NBAS: variants seen among roughly 807,000 people sequenced by gnomAD.
NBAS encodes the protein NAG/BC035112 fusion.
Under a neutral mutation model 302.5 loss-of-function variants are expected in NBAS, and 219 were observed. That is an observed-to-expected ratio of 0.72 (90% CI 0.65 to 0.81). The LOEUF (loss-of-function observed/expected upper bound fraction) is 0.81, where lower values mean the gene tolerates loss of function less well. NBAS is among the 30% of genes least tolerant of loss of function. NBAS has a pLI of 0.00. For synonymous variants in NBAS, 1,118 were observed against 1,021.6 expected, an observed-to-expected ratio of 1.09 and a Z score of -1.80; for missense variants, 2,932 against 2,841.6, an observed-to-expected ratio of 1.03 and a Z score of -0.72.
chr2:15,128,852 G>A, the NBAS span, among the ~76,000 whole-genome samples: 1,964 of 152,320 alleles, frequency 0.013, 45 homozygotes, highest in African/African-American at 0.041. Context: ...TGGGTAACTG[G>A]CCGGGAGACA....
chr2:15,417,626 C>T lies in NBAS; in HGVS notation c.2664G>A (p.Leu888=). The change falls in exon 24 of 52, where the codon CTG becomes CTA. Residue 888 remains leucine, a synonymous_variant. Coordinates refer to ENST00000281513, the MANE Select transcript of NBAS (RefSeq NM_015909.4). ...LLVLCDNLVT[L]ETLVYEARCD... ...ACCTGGCTTCATAAACCAATGTTTC[C>T]AGAGTAACCAAATTGTCACAGAGAA... is the stretch of plus-strand genomic sequence containing the variant. 1.9e-6 allele frequency: 3 copies of T among 1,613,934 alleles called. No homozygotes were observed. The highest frequency in any genetic ancestry group is 2.5e-6 in the Non-Finnish European group (3 of 1,179,948).
At chr2:15,324,149 C>T (rs1485327109) in intron 38 of NBAS, among the ~76,000 whole-genome samples, 1 of 152,110 alleles carries the variant, frequency 6.6e-6, no homozygotes, top group Non-Finnish European at 1.5e-5. Flanking sequence ...CAGCCCAGGA[C>T]AGAACATTCA....
the NBAS span, among the ~76,000 whole-genome samples, chr2:15,115,758 C>T: frequency 6.7e-4 from 102 of 152,164 alleles, no homozygotes; most frequent in African/African-American, 2.4e-3. Context: ...CATGATTCTT[C>T]TGCCTCACCT....
chr2:15,318,512 TAG>T (rs1383638524), intron 38 of NBAS, among the ~76,000 whole-genome samples: 1 of 152,098 alleles, frequency 6.6e-6, no homozygotes, highest in Admixed American at 6.6e-5. Context: ...ATCTCACGTG[TAG>T]AGTCATACAT....
At chr2:14,796,458 C>G in the NBAS span, among the ~76,000 whole-genome samples, 1 of 152,132 alleles carries the variant, frequency 6.6e-6, no homozygotes, top group African/African-American at 2.4e-5. Context: ...ATTGAATTTA[C>G]CAATTCATAA....
the NBAS span, among the ~76,000 whole-genome samples, chr2:14,988,060 G>A: frequency 0.18 from 26,810 of 151,966 alleles, 3,161 homozygotes; most frequent in Non-Finnish European, 0.27. Context: ...TACTATTGCC[G>A]TGAAGAAAAG....
chr2:14,808,154 C>A, the NBAS span, among the ~76,000 whole-genome samples: 1 of 152,174 alleles, frequency 6.6e-6, no homozygotes. Flanking sequence ...ATGACAACCA[C>A]ATATGGAATA....
At chr2:14,940,923 T>A in the NBAS span, among the ~76,000 whole-genome samples, 1 of 152,252 alleles carries the variant, frequency 6.6e-6, no homozygotes. Flanking sequence ...CCTCAAGAGA[T>A]GGTAAATCCT....
intron 47 of NBAS, 37 bp downstream of exon 47, chr2:15,232,385 C>T (rs1487694133): frequency 6.3e-7 from 1 of 1,579,522 alleles, no homozygotes; most frequent in Admixed American, 1.7e-5. Context: ...CTGAGGAAAG[C>T]CAGTTAATGA....
At chr2:14,845,231 A>G in the NBAS span, among the ~76,000 whole-genome samples, 204 of 152,344 alleles carry the variant, frequency 1.3e-3, no homozygotes, top group African/African-American at 4.8e-3. Context: ...TTCCTCTGGA[A>G]AAGGTAAAAG....
In NBAS at chr2:15,181,810, C is replaced by A. The variant is rs115215546; in HGVS notation, c.6712-2694G>T. Among the ~76,000 whole-genome samples, 1,114 of 152,358 alleles carry A rather than the reference C, an allele frequency of 7.3e-3. 14 individuals carry two copies. Among genetic ancestry groups the A allele is most frequent in the African/African-American group, 0.026 (1,071 of 41,580 alleles). On this transcript the variant is annotated intron_variant, in intron 50 of 51. Coordinates refer to ENST00000281513, the MANE Select transcript of NBAS (RefSeq NM_015909.4). ...ATGCCTTCTGTCCTCACACAACTCTCCTACTGTCCCTGGAGTATCTAGCAT... is the reference window on the plus strand; with the variant it reads ...ATGCCTTCTGTCCTCACACAACTCTACTACTGTCCCTGGAGTATCTAGCAT...
intron 21 of NBAS, among the ~76,000 whole-genome samples, chr2:15,442,548 C>G (rs1345661238): frequency 2.6e-5 from 4 of 151,980 alleles, no homozygotes; most frequent in East Asian, 3.9e-4. Context: ...CAAGAGAAAG[C>G]AGGAAAGATC....
At chr2:14,985,043 A>T in the NBAS span, among the ~76,000 whole-genome samples, 1 of 152,224 alleles carries the variant, frequency 6.6e-6, no homozygotes, top group Non-Finnish European at 1.5e-5. Flanking sequence ...TCATAAATAA[A>T]GGCATAAGTG....
the NBAS span, among the ~76,000 whole-genome samples, chr2:14,879,693 G>A: frequency 6.6e-6 from 1 of 152,142 alleles, no homozygotes; most frequent in Admixed American, 6.5e-5. Context: ...CTTATAGCAT[G>A]CCTACAGGAT....
At chr2:15,474,768 C>T (rs1179542807) in intron 14 of NBAS, among the ~76,000 whole-genome samples, 1 of 152,116 alleles carries the variant, frequency 6.6e-6, no homozygotes, top group Non-Finnish European at 1.5e-5. Flanking sequence ...ACCATGTTGG[C>T]CAGGCTGGTC....
chr2:15,536,770 G>A (rs1663540048), intron 7 of NBAS, among the ~76,000 whole-genome samples: 1 of 152,104 alleles, frequency 6.6e-6, no homozygotes, highest in South Asian at 2.1e-4. Context: ...TGAAACCACA[G>A]CAGCCCCTTT....
At chr2:15,366,454 C>A (rs956896951) in intron 32 of NBAS, 126 bp downstream of exon 32, 1 of 890,740 alleles carries the variant, frequency 1.1e-6, no homozygotes. Flanking sequence ...AGCAACAGAG[C>A]GAGACCCTGT....
At chr2:15,453,548 G>T (rs1266947787) in intron 21 of NBAS, among the ~76,000 whole-genome samples, 1 of 152,102 alleles carries the variant, frequency 6.6e-6, no homozygotes, top group Non-Finnish European at 1.5e-5. Flanking sequence ...AAATTACTGT[G>T]AAACCAAAGG....
the NBAS span, among the ~76,000 whole-genome samples, chr2:15,055,241 C>T: frequency 1.3e-5 from 2 of 151,834 alleles, no homozygotes; most frequent in South Asian, 4.1e-4. Flanking sequence ...CAGGAGGTTT[C>T]AAGAAAAAAA....
Sources: gnomAD v4.1 joint callset for allele counts (sites outside exome capture counted in the v4.1 genomes callset) on GRCh38, gnomAD v4.1.1 for gene constraint, MANE v1.5 for transcripts, NCBI Gene and HGNC (gene_info 2026-07-23, HGNC 2026-07-21) for gene names.